The following CRACR2A variants were observed in gnomAD, a reference collection of about 807,000 sequenced individuals.
The protein encoded by CRACR2A is calcium release activated channel regulator 2A, also known as EF-hand calcium-binding domain-containing protein 4B.
Under a neutral mutation model 90.5 loss-of-function variants are expected in CRACR2A, and 79 were observed. That is an observed-to-expected ratio of 0.87 (90% CI 0.73 to 1.05). The LOEUF is 1.05. Among genes scored for constraint, CRACR2A ranks in the 50% least tolerant of loss-of-function variants. The probability of loss-of-function intolerance (pLI) is 0.00; values close to 1 mark genes in which losing one functional copy is unlikely to be tolerated. For synonymous variants in CRACR2A, 338 were observed against 356.7 expected, an observed-to-expected ratio of 0.95 and a Z score of 0.59; for missense variants, 823 against 897.2, an observed-to-expected ratio of 0.92 and a Z score of 1.06.
intron 1 of CRACR2A, among the ~76,000 whole-genome samples, chr12:3,737,079 T>C (rs905667400): frequency 2.6e-5 from 4 of 152,160 alleles, no homozygotes; most frequent in African/African-American, 9.7e-5. Flanking sequence ...CTGGGGTAAG[T>C]GTTCTGATGA....
intron 4 of CRACR2A, among the ~76,000 whole-genome samples, chr12:3,685,872 A>G (rs1182535990): frequency 6.6e-6 from 1 of 152,264 alleles, no homozygotes. Flanking sequence ...AAAAATGGTT[A>G]CAATGGTAAA....
chr12:3,648,460 C>G, intron 11 of CRACR2A, 82 bp downstream of exon 11: 1 of 1,605,906 alleles, frequency 6.2e-7, no homozygotes, highest in Non-Finnish European at 8.5e-7. Context: ...AGCACGTAGG[C>G]AAGGATGACC....
chr12:3,710,079 T>C (rs1176700394), intron 3 of CRACR2A, among the ~76,000 whole-genome samples: 2 of 152,182 alleles, frequency 1.3e-5, no homozygotes, highest in Non-Finnish European at 2.9e-5. Context: ...GGAAGACCTG[T>C]CTAAAATGCA....
rs572585506 is a variant in CRACR2A, at chr12:3,724,211, T to C, written c.-118+8731A>G. On this transcript the variant is annotated intron_variant, in intron 2 of 19. Transcript: ENST00000440314. ...CAGGGTGAGCTCTCTGCTCCCAGAG[T>C]ATTGGCCCTTTCTGAGTTCACTGTT... 2.6e-5 allele frequency among the ~76,000 whole-genome samples: 4 copies of C among 152,246 alleles called. No individual in the cohort carries two copies. The South Asian group carries it at 8.3e-4, about 32-fold the overall frequency.
chr12:3,752,138 G>A (rs1946715696), intron 1 of CRACR2A, among the ~76,000 whole-genome samples: 2 of 152,174 alleles, frequency 1.3e-5, no homozygotes, highest in South Asian at 4.1e-4. Flanking sequence ...CCCACGGATT[G>A]GCTCTTTCTG....
intron 1 of CRACR2A, among the ~76,000 whole-genome samples, chr12:3,739,795 A>C (rs1366924313): frequency 1.3e-5 from 2 of 152,014 alleles, no homozygotes; most frequent in African/African-American, 4.8e-5. Context: ...TCAGCCGGAC[A>C]TGGTGGTGCG....
chr12:3,652,831 A>C (rs4766159), intron 10 of CRACR2A, among the ~76,000 whole-genome samples: 49,936 of 152,056 alleles, frequency 0.33, 9,407 homozygotes, highest in African/African-American at 0.47. Flanking sequence ...AAATGATAGC[A>C]AGTCCAACTC....
chr12:3,696,977 A>AC lies in CRACR2A; in HGVS notation c.22dup (p.Val8GlyfsTer56), dbSNP rs755595456. Reference sequence around the variant, plus strand: ...ACCAAGTCTCTGGGGTCTGGAGACTACCCTCCCGTCAGGGGCAGCCATCGC... The same window carrying AC: ...ACCAAGTCTCTGGGGTCTGGAGACTACCCCTCCCGTCAGGGGCAGCCATCGC... On this transcript the variant is annotated frameshift_variant, in exon 4 of 20. Coordinates refer to ENST00000440314, the MANE Select transcript of CRACR2A (RefSeq NM_001144958.2). LOFTEE classifies it high-confidence loss of function. The AC allele has an allele frequency of 2.5e-6, 4 of 1,612,882 alleles. No homozygotes were observed. The highest frequency in any genetic ancestry group is 3.3e-5 in the Admixed American group (2 of 59,846).
At chr12:3,673,922 C>T (rs553006656) in intron 6 of CRACR2A, among the ~76,000 whole-genome samples, 48 of 152,300 alleles carry the variant, frequency 3.2e-4, no homozygotes, top group Non-Finnish European at 5.9e-4. Flanking sequence ...TGTCTGACTC[C>T]GGTGTTGGCC....
chr12:3,655,218 TCGA>T (rs1944878164), intron 9 of CRACR2A, among the ~76,000 whole-genome samples: 1 of 152,160 alleles, frequency 6.6e-6, no homozygotes, highest in Admixed American at 6.5e-5. Context: ...AGTAATTAAA[TCGA>T]GTGGCAATCA....
intron 1 of CRACR2A, among the ~76,000 whole-genome samples, chr12:3,745,800 TAA>T (rs1233492113): frequency 0.02 from 100 of 4,968 alleles, no homozygotes; most frequent in African/African-American, 0.043. Context: ...TAAAATAAAA[TAA>T]AATAAAATAA....
chr12:3,647,382 C>A (rs914265898), intron 11 of CRACR2A, among the ~76,000 whole-genome samples: 46 of 152,152 alleles, frequency 3.0e-4, no homozygotes, highest in African/African-American at 1.1e-3. Context: ...ATGCTAGCCT[C>A]CATTAAAAAG....
chr12:3,668,766 T>C (rs186308783), intron 7 of CRACR2A, among the ~76,000 whole-genome samples: 2 of 152,286 alleles, frequency 1.3e-5, no homozygotes, highest in Non-Finnish European at 2.9e-5. Flanking sequence ...ACTGGACACC[T>C]TCCCAGAGCA....
At chr12:3,695,878 G>T (rs572316048) in intron 4 of CRACR2A, among the ~76,000 whole-genome samples, 98 of 152,370 alleles carry the variant, frequency 6.4e-4, no homozygotes, top group African/African-American at 2.1e-3. Context: ...CAGACACTGA[G>T]AAGTTTTTGA....
intron 6 of CRACR2A, among the ~76,000 whole-genome samples, chr12:3,674,465 A>G (rs1022778405): frequency 5.3e-5 from 8 of 152,240 alleles, no homozygotes; most frequent in African/African-American, 1.9e-4. Flanking sequence ...TTCTGGGGAA[A>G]CTAAAAAATC....
intron 1 of CRACR2A, among the ~76,000 whole-genome samples, chr12:3,736,461 A>G (rs945924205): frequency 1.3e-4 from 20 of 152,196 alleles, no homozygotes; most frequent in Middle Eastern, 3.4e-3. Context: ...CTTCCATGGG[A>G]CATTGGAGTG....
At chr12:3,692,221 T>G (rs1043633711) in intron 4 of CRACR2A, among the ~76,000 whole-genome samples, 1 of 152,208 alleles carries the variant, frequency 6.6e-6, no homozygotes, top group African/African-American at 2.4e-5. Flanking sequence ...TCTGGCTTTT[T>G]GAGTTGTCAG....
chr12:3,733,601 G>A (rs1370275807), intron 1 of CRACR2A, among the ~76,000 whole-genome samples: 1 of 152,182 alleles, frequency 6.6e-6, no homozygotes, highest in Non-Finnish European at 1.5e-5. Context: ...TGACCATGAG[G>A]AGGAAGCCTG....
intron 2 of CRACR2A, chr12:3,731,234 T>C (rs979623833): frequency 1.3e-5 from 2 of 152,344 alleles, no homozygotes; most frequent in African/African-American, 4.8e-5. Flanking sequence ...TGGAAGAGAC[T>C]GCTCCAAAAC....
Sources: allele counts gnomAD v4.1 joint callset (sites outside exome capture counted in the v4.1 genomes callset), GRCh38; gene constraint gnomAD v4.1.1; transcripts MANE v1.5; gene names NCBI Gene and HGNC (gene_info 2026-07-23, HGNC 2026-07-21).